Variants in PLEKHA5 observed in about 807,000 individuals in gnomAD.
PLEKHA5 encodes the protein pleckstrin homology domain-containing family A member 5.
PLEKHA5 carries 55 observed loss-of-function variants against 181.9 expected under a neutral mutation model. The observed-to-expected ratio is 0.30, with a 90% CI of 0.24 to 0.38. PLEKHA5 has a LOEUF of 0.38. Ranked by LOEUF, PLEKHA5 falls within the 10% of genes least tolerant of loss-of-function variation. The pLI is 1.00. For missense variants in PLEKHA5, 1,432 were observed against 1,549.5 expected (o/e 0.92, Z 1.27); for synonymous variants, 535 against 529.4 (o/e 1.01, Z -0.15).
chr12:19,172,376 G>T (rs1475182965), intron 3 of PLEKHA5, among the ~76,000 whole-genome samples: 1 of 151,330 alleles, frequency 6.6e-6, no homozygotes, highest in Non-Finnish European at 1.5e-5. Context: ...GACTATATTT[G>T]CAGTTCATAT....
chr12:19,203,494 A>G (rs910542046), intron 3 of PLEKHA5, among the ~76,000 whole-genome samples: 1 of 152,008 alleles, frequency 6.6e-6, no homozygotes, highest in Admixed American at 6.6e-5. Flanking sequence ...ACTGTGCCAT[A>G]TCTCAGCCTT....
At chr12:19,372,392 T>TTTG (rs1463008421) in intron 31 of PLEKHA5, 3 of 143,526 alleles carry the variant, frequency 2.1e-5, no homozygotes, top group African/African-American at 5.1e-5. Context: ...GATGGGATTA[T>TTTG]TTGTTTTTGT....
chr12:19,157,845 A>G (rs2042110999), intron 3 of PLEKHA5, among the ~76,000 whole-genome samples: 1 of 152,334 alleles, frequency 6.6e-6, no homozygotes, highest in East Asian at 1.9e-4. Flanking sequence ...AATATAAACA[A>G]TAGGTCATCA....
In PLEKHA5 at chr12:19,130,816, G is replaced by T. The variant is rs1331143466; in HGVS notation, c.169+686G>T. 1 of 152,308 alleles carries T rather than the reference G, an allele frequency of 6.6e-6. No homozygotes were observed. The highest frequency in any genetic ancestry group is 1.5e-5 in the Non-Finnish European group (1 of 68,116). The allele number at this position is 152,308 out of a possible 1,614,324, so 9.4% of individuals were successfully genotyped here. A position where few individuals can be genotyped will look rare whatever the true frequency, so the allele number is the denominator to read the frequency against. On this transcript the variant is annotated intron_variant, in intron 2 of 31. Coordinates refer to ENST00000429027, the MANE Select transcript of PLEKHA5 (RefSeq NM_001256470.2). The surrounding 1 kb of genome is among the most constrained non-coding windows in gnomAD (Gnocchi z 4.5). ...GCCGGAGCCGGAGGAGGCGTTCGCA[G>T]CCTCAGTTGCTGGCGATCCGGATCT...
chr12:19,362,653 A>C (rs1258753817), intron 29 of PLEKHA5, among the ~76,000 whole-genome samples: 2 of 152,086 alleles, frequency 1.3e-5, no homozygotes, highest in Non-Finnish European at 2.9e-5. Flanking sequence ...CCAGCTACTC[A>C]GGAAACTGAG....
chr12:19,265,276 A>G (rs1013545263), intron 7 of PLEKHA5, among the ~76,000 whole-genome samples: 10 of 152,240 alleles, frequency 6.6e-5, no homozygotes, highest in African/African-American at 1.9e-4. Flanking sequence ...GCTAAAACAT[A>G]TAGTTTGCCG....
intron 15 of PLEKHA5, among the ~76,000 whole-genome samples, chr12:19,298,075 C>G (rs542644389): frequency 6.6e-6 from 1 of 151,942 alleles, no homozygotes; most frequent in Admixed American, 6.6e-5. Context: ...CATAGTAGTG[C>G]GTACCACCCG....
At position 19,269,863 on chromosome 12, in the gene PLEKHA5, G is replaced by A. The variant is rs1441286974; in HGVS notation, c.805G>A (p.Val269Ile). ...GAAAGCCATGTTAGATGCTGCCCTA[G>A]TACAGACAGAACCTGTGAAAAGGTA... ...WMKAMLDAAL[V>I]QTEPVKRITF... The change falls in exon 9 of 32, where the codon GTA becomes ATA. Residue 269 changes from valine (V) to isoleucine (I), a missense_variant. Physicochemically the swap from Val to Ile is conservative, Grantham distance 29. Around this residue, in one of 2 missense-constraint regions of PLEKHA5, gnomAD observed 289 missense variants for 381.1 expected, o/e 0.76. Coordinates refer to ENST00000429027, the MANE Select transcript of PLEKHA5 (RefSeq NM_001256470.2). 2 of 1,586,210 alleles carry A rather than the reference G, an allele frequency of 1.3e-6. No individual in the cohort carries two copies.
intron 3 of PLEKHA5, among the ~76,000 whole-genome samples, chr12:19,239,335 G>A (rs1050710987): frequency 3.3e-5 from 5 of 152,078 alleles, no homozygotes; most frequent in African/African-American, 1.2e-4. Context: ...TCCTGTAGTG[G>A]CCATTGGATT....
At chr12:19,360,795 G>T (rs938086120) in intron 28 of PLEKHA5, among the ~76,000 whole-genome samples, 2 of 151,412 alleles carry the variant, frequency 1.3e-5, no homozygotes, top group African/African-American at 4.9e-5. Context: ...TGACCCTGTC[G>T]CCCAGGCTGG....
Position 19,186,232 on chromosome 12 carries a change from A to G in PLEKHA5, c.227+53782A>G, listed in dbSNP as rs115839486. On this transcript the variant is annotated intron_variant, in intron 3 of 31. Transcript: ENST00000429027. ...AGTTCAGTAGAAAATGACGATATAT[A>G]GAAATATAATTCAATAAACTGTTTG... is the stretch of plus-strand genomic sequence containing the variant. Among the ~76,000 whole-genome samples the G allele has an allele frequency of 8.5e-3, 1,295 of 152,362 alleles. 10 individuals are homozygous for G. The highest frequency in any genetic ancestry group is 0.026 in the East Asian group (137 of 5,180).
Position 19,353,335 on chromosome 12 carries a change from A to G in PLEKHA5, c.3020-549A>G, listed in dbSNP as rs1487373232. Reference sequence around the variant, plus strand: ...TGCCTGGCTAATTTTTGTATTTTTTATAGTAGAGATAGGGTTTCACCATGT... The same window carrying G: ...TGCCTGGCTAATTTTTGTATTTTTTGTAGTAGAGATAGGGTTTCACCATGT... On this transcript the variant is annotated intron_variant, in intron 25 of 31. Coordinates refer to ENST00000429027, the MANE Select transcript of PLEKHA5 (RefSeq NM_001256470.2). Among the ~76,000 whole-genome samples the G allele has an allele frequency of 2.7e-5, 4 of 150,696 alleles. No individual in the cohort carries two copies. In the South Asian group the frequency reaches 8.4e-4, roughly 32 times the overall value.
intron 3 of PLEKHA5, among the ~76,000 whole-genome samples, chr12:19,199,108 C>T (rs1020236577): frequency 3.3e-5 from 5 of 152,088 alleles, no homozygotes; most frequent in African/African-American, 1.2e-4. Context: ...TGGATCATTA[C>T]AGTTATTTTA....
At chr12:19,312,627 G>A (rs972507241) in intron 15 of PLEKHA5, among the ~76,000 whole-genome samples, 1 of 152,232 alleles carries the variant, frequency 6.6e-6, no homozygotes. Flanking sequence ...GGATTGAAGA[G>A]AGTTAGGGCC....
chr12:19,206,557 G>GAA (rs1186478479), intron 3 of PLEKHA5, among the ~76,000 whole-genome samples: 1 of 152,054 alleles, frequency 6.6e-6, no homozygotes, highest in Non-Finnish European at 1.5e-5. Context: ...GTGCTTTAAA[G>GAA]AGGTCTAGAA....
intron 25 of PLEKHA5, among the ~76,000 whole-genome samples, chr12:19,350,579 G>T (rs1319767003): frequency 6.6e-6 from 1 of 152,106 alleles, no homozygotes; most frequent in Non-Finnish European, 1.5e-5. Flanking sequence ...GACCAGCCTG[G>T]CCAACATGGC....
At chr12:19,167,663 T>G (rs1456565469) in intron 3 of PLEKHA5, among the ~76,000 whole-genome samples, 1 of 152,168 alleles carries the variant, frequency 6.6e-6, no homozygotes, top group African/African-American at 2.4e-5. Context: ...CTGGGCTTTC[T>G]TGTTGTGAGT....
intron 3 of PLEKHA5, among the ~76,000 whole-genome samples, chr12:19,132,661 G>A (rs1220253334): frequency 6.6e-6 from 1 of 151,710 alleles, no homozygotes; most frequent in African/African-American, 2.4e-5. Context: ...AATATTCATC[G>A]ATTCATTGAT....
At chr12:19,161,131 AT>A (rs1291161001) in intron 3 of PLEKHA5, among the ~76,000 whole-genome samples, 1 of 152,194 alleles carries the variant, frequency 6.6e-6, no homozygotes, top group Non-Finnish European at 1.5e-5. Flanking sequence ...AGTTAGAAAT[AT>A]TCAGATCATT....
Sources: gnomAD v4.1 joint callset for allele counts (sites outside exome capture counted in the v4.1 genomes callset) on GRCh38, gnomAD v4.1.1 for gene constraint, gnomAD v4.1.1 regional missense constraint, Gnocchi (gnomAD v3.1) non-coding constraint, MANE v1.5 for transcripts, NCBI Gene and HGNC (gene_info 2026-07-23, HGNC 2026-07-21) for gene names.